Variants in TDG observed in about 807,000 individuals in gnomAD.
TDG encodes G/T mismatch-specific thymine DNA glycosylase.
Under a neutral mutation model 46.1 loss-of-function variants are expected in TDG, and 23 were observed. The observed-to-expected ratio is 0.50, with a 90% confidence interval of 0.36 to 0.71. The LOEUF (loss-of-function observed/expected upper bound fraction) is 0.71. Among genes scored for constraint, TDG ranks in the 30% least tolerant of loss-of-function variants. TDG has a pLI of 0.00. For missense variants in TDG, 304 were observed against 486.7 expected (o/e 0.62, Z 3.53); for synonymous variants, 115 against 161.3 (o/e 0.71, Z 2.18).
At position 103,981,034 on chromosome 12, in the gene TDG, C is replaced by T. The variant is rs985672767; in HGVS notation, c.478+72C>T. 10 of 1,364,682 alleles carry T rather than the reference C, an allele frequency of 7.3e-6. 1 individual carries two copies. Among genetic ancestry groups the T allele is most frequent in the Admixed American group, 4.0e-5 (2 of 50,362 alleles). 84.5% of individuals were successfully genotyped at this position (1,364,682 alleles called of 1,614,324 possible). On this transcript the variant is annotated intron_variant, in intron 4 of 9. Coordinates refer to ENST00000392872, the MANE Select transcript of TDG (RefSeq NM_003211.6). The stretch of plus-strand genomic sequence containing the variant: ...TTGTTAACAGGTTTTTTCAGAAAAA[C>T]CAATTGTGTTTTTAAAAAGAAAGAG...
At chr12:103,978,316 A>G (rs975455561) in intron 2 of TDG, among the ~76,000 whole-genome samples, 3 of 152,074 alleles carry the variant, frequency 2.0e-5, no homozygotes, top group Non-Finnish European at 4.4e-5. Flanking sequence ...TGGCATTGGC[A>G]TTTGGTTGGA....
chr12:103,977,154 G>GT, intron 2 of TDG, 94 bp downstream of exon 2: 1 of 1,511,904 alleles, frequency 6.6e-7, no homozygotes, highest in East Asian at 2.3e-5. Context: ...CTATTTTAGT[G>GT]TTAAAAAGTC....
At chr12:103,986,718 G>GA (rs888989922) in intron 9 of TDG, 28,620 of 325,606 alleles carry the variant, frequency 0.088, no homozygotes, top group East Asian at 0.12. Flanking sequence ...GTCTCAAAAA[G>GA]AAAAAAAAAA....
At chr12:103,968,392 G>A (rs370924612) in intron 1 of TDG, among the ~76,000 whole-genome samples, 26 of 152,288 alleles carry the variant, frequency 1.7e-4, no homozygotes, top group African/African-American at 5.8e-4. Context: ...AGGAGACCAG[G>A]AAGGACTGTT....
chr12:103,973,073 A>ATTTTCTCTGTTTCT (rs1369824023), intron 1 of TDG: 1 of 659,368 alleles, frequency 1.5e-6, no homozygotes, highest in East Asian at 2.8e-5. Flanking sequence ...CAGAGTAAAA[A>ATTTTCTCTGTTTCT]CACGTTTCAT....
chr12:103,981,460 C>T (rs531159096), intron 4 of TDG, among the ~76,000 whole-genome samples: 1 of 152,034 alleles, frequency 6.6e-6, no homozygotes, highest in Admixed American at 6.6e-5. Flanking sequence ...GTCTCGAACT[C>T]CCGGCCTCAG....
intron 8 of TDG, 118 bp from the exon 9 acceptor site, chr12:103,985,485 G>C: frequency 8.6e-7 from 1 of 1,166,654 alleles, no homozygotes; most frequent in East Asian, 2.7e-5. Flanking sequence ...GATTAATAGA[G>C]ATGTATCTCA....
At position 103,987,005 on chromosome 12, in the gene TDG, GGATGACCCA is replaced by G. The variant is rs1156950287; in HGVS notation, c.1150_1158del (p.Met384_Gln386del). 1 of 1,614,146 alleles carries G rather than the reference GGATGACCCA, an allele frequency of 6.2e-7. No homozygotes were observed. The highest frequency in any genetic ancestry group is 1.3e-5 in the African/African-American group (1 of 74,956). On this transcript the variant is annotated inframe_deletion, in exon 10 of 10. Transcript: ENST00000392872. ...TTCAGTGGCATTCCTAATGGGCAGTGGATGACCCAGTCATTTACAGACCAAATTCCTTCC... is the reference window on the plus strand; with the variant it reads ...TTCAGTGGCATTCCTAATGGGCAGTGGTCATTTACAGACCAAATTCCTTCC...
In TDG at chr12:103,988,477, T is replaced by A. The variant is rs1446324091; in HGVS notation, c.*1387T>A. ...CATTTATGTTATTTAAATGATGTAC[T>A]GTACTGCTGTTTACATGGACGTTTT... On this transcript the variant is annotated 3_prime_UTR_variant, in exon 10 of 10. Coordinates refer to ENST00000392872, the MANE Select transcript of TDG (RefSeq NM_003211.6). The A allele has an allele frequency of 6.5e-6, 1 of 152,766 alleles. No individual in the cohort carries two copies. The highest frequency in any genetic ancestry group is 2.4e-5 in the African/African-American group (1 of 41,490). The allele number at this position is 152,766 out of a possible 1,614,324, so 9.5% of individuals were successfully genotyped here. A position where few individuals can be genotyped will look rare whatever the true frequency, so the allele number is the denominator to read the frequency against.
At chr12:103,981,577 T>C (rs1222534444) in intron 4 of TDG, among the ~76,000 whole-genome samples, 2 of 152,216 alleles carry the variant, frequency 1.3e-5, no homozygotes, top group African/African-American at 4.8e-5. Context: ...AAAGTTGTTA[T>C]CTATAGGCAT....
Position 103,985,691 on chromosome 12 carries a change from C to T in TDG, c.1053C>T (p.Cys351=). 1 of 1,614,042 alleles carries T rather than the reference C, an allele frequency of 6.2e-7. No individual in the cohort carries two copies. The highest frequency in any genetic ancestry group is 1.3e-5 in the African/African-American group (1 of 75,074). Residue 351 remains cysteine (C), a synonymous_variant, in exon 9 of 10, where the codon TGC becomes TGT. Transcript: ENST00000392872. ...GTGGTGCTTACGGAGAAAATCCATG[C>T]AGCAGTGAACCTTGTGGCTTCTCTT... is the stretch of plus-strand genomic sequence containing the variant. The part of the protein sequence containing the change: ...AYGGAYGENP[C]SSEPCGFSSN...
chr12:103,979,813 A>T lies in TDG; in HGVS notation c.167-18A>T, dbSNP rs1316288767. The T allele has an allele frequency of 1.3e-6, 2 of 1,534,782 alleles. No individual in the cohort carries two copies. Among genetic ancestry groups the T allele is most frequent in the Admixed American group, 4.7e-5 (2 of 42,636 alleles). ...AAGTTAAGATTTTCTGCATTTCTGG[A>T]AATTATTTGTATTTCAGAGGCTCCA... On this transcript the variant is annotated intron_variant, in intron 2 of 9. Transcript: ENST00000392872.
Position 103,987,144 on chromosome 12 carries a change from C to T in TDG, c.*54C>T. 6.3e-7 allele frequency: 1 copy of T among 1,594,496 alleles called. No homozygotes were observed. Among genetic ancestry groups the T allele is most frequent in the Non-Finnish European group, 8.6e-7 (1 of 1,166,092 alleles). ...GCTGCAGTTTTAATGCAGTTGTCAA[C>T]AAGTAGAACCTCAGTTTGCTAACTG... On this transcript the variant is annotated 3_prime_UTR_variant, in exon 10 of 10. Coordinates refer to ENST00000392872, the MANE Select transcript of TDG (RefSeq NM_003211.6).
At chr12:103,985,904 T>A (rs1417694788) in intron 9 of TDG, among the ~76,000 whole-genome samples, 176 bp downstream of exon 9, 2 of 152,196 alleles carry the variant, frequency 1.3e-5, no homozygotes. Context: ...CACAGACTTT[T>A]ACAGTACATT....
chr12:103,983,678 CAT>C (rs1422187601), intron 7 of TDG, among the ~76,000 whole-genome samples: 1 of 152,174 alleles, frequency 6.6e-6, no homozygotes, highest in African/African-American at 2.4e-5. Flanking sequence ...CATTTAATGG[CAT>C]GTAGTTGTCA....
Position 103,987,003 on chromosome 12 carries a change from G to C in TDG, c.1146G>C (p.Gln382His). Residue 382 changes from glutamine to histidine, a missense_variant, in exon 10 of 10, where the codon CAG becomes CAC. Gln to His is a conservative substitution (Grantham distance 24). Transcript: ENST00000392872. Reference protein sequence around the residue: ...ESAFSGIPNGQWMTQSFTDQI... With the variant: ...ESAFSGIPNGHWMTQSFTDQI... ...CTTTCAGTGGCATTCCTAATGGGCA[G>C]TGGATGACCCAGTCATTTACAGACC... The C allele has an allele frequency of 6.2e-7, 1 of 1,614,272 alleles. No homozygotes were observed. The highest frequency in any genetic ancestry group is 8.5e-7 in the Non-Finnish European group (1 of 1,180,040).
At chr12:103,979,771 A>G in intron 2 of TDG, 60 bp from the exon 3 acceptor site, 1 of 1,522,288 alleles carries the variant, frequency 6.6e-7, no homozygotes, top group Non-Finnish European at 8.7e-7. Flanking sequence ...TTTTCTGGGA[A>G]AGCTGCTAAA....
intron 1 of TDG, among the ~76,000 whole-genome samples, chr12:103,971,427 G>T (rs182070190): frequency 6.7e-4 from 102 of 152,078 alleles, no homozygotes; most frequent in African/African-American, 2.2e-3. Flanking sequence ...CCCGGTGTAG[G>T]TGCCTGTAAT....
chr12:103,972,752 T>C lies in TDG; in HGVS notation c.24-4166T>C, dbSNP rs532709207. Among the ~76,000 whole-genome samples the C allele has an allele frequency of 1.4e-4, 21 of 152,360 alleles. No homozygotes were observed. The South Asian group carries it at 4.1e-3, about 30-fold the overall frequency. ...TCTTTCAAACTTGATATACCTAATATAAAAGTTCAGATTATTTTTCCTCTT... is the reference window on the plus strand; with the variant it reads ...TCTTTCAAACTTGATATACCTAATACAAAAGTTCAGATTATTTTTCCTCTT... On this transcript the variant is annotated intron_variant, in intron 1 of 9. Transcript: ENST00000392872.
Sources: allele counts gnomAD v4.1 joint callset (sites outside exome capture counted in the v4.1 genomes callset), GRCh38; gene constraint gnomAD v4.1.1; transcripts MANE v1.5; gene names NCBI Gene and HGNC (gene_info 2026-07-23, HGNC 2026-07-21).